WDR26: variants seen among roughly 807,000 people sequenced by gnomAD.
WDR26 encodes WD repeat domain 26.
In WDR26, 5 loss-of-function variants were observed where a neutral mutation model predicts 84.1. The observed-to-expected ratio is 0.06, with a 90% CI of 0.03 to 0.13. The LOEUF (loss-of-function observed/expected upper bound fraction) is 0.13, where lower values mean the gene tolerates loss of function less well. WDR26 is among the 10% of genes least tolerant of loss of function. The pLI, the probability that WDR26 is intolerant of heterozygous loss-of-function variation, is 1.00. For synonymous variants in WDR26, 415 were observed against 389.6 expected (o/e 1.07, Z -0.77); for missense variants, 642 against 974.9 (o/e 0.66, Z 4.55).
intron 4 of WDR26, among the ~76,000 whole-genome samples, chr1:224,421,400 C>T (rs1572203860): frequency 6.6e-6 from 1 of 152,122 alleles, no homozygotes; most frequent in African/African-American, 2.4e-5. Flanking sequence ...GCCTGGCCAA[C>T]ATGGCGAAAC....
chr1:224,389,580 G>T lies in WDR26; in HGVS notation c.*255C>A, dbSNP rs1352460880. The T allele has an allele frequency of 1.7e-6, 1 of 576,804 alleles. No homozygotes were observed. The highest frequency in any genetic ancestry group is 3.0e-6 in the Non-Finnish European group (1 of 332,316). The allele number at this position is 576,804 out of a possible 1,614,324, so 35.7% of individuals were successfully genotyped here. On this transcript the variant is annotated 3_prime_UTR_variant, in exon 14 of 14. Coordinates refer to ENST00000414423, the MANE Select transcript of WDR26 (RefSeq NM_001379403.1). Reference sequence around the variant, plus strand: ...AGTTCAATGGGTAAGCCTGAATGTAGCACAGTTCTTCACAACCGATGGGGG... The same window carrying T: ...AGTTCAATGGGTAAGCCTGAATGTATCACAGTTCTTCACAACCGATGGGGG...
chr1:224,427,437 T>C (rs759056192), intron 3 of WDR26, among the ~76,000 whole-genome samples: 15 of 152,116 alleles, frequency 9.9e-5, no homozygotes, highest in Non-Finnish European at 2.1e-4. Flanking sequence ...AAGATCTTGA[T>C]ACAACATGTT....
At chr1:224,413,323 T>A (rs1263226217) in intron 6 of WDR26, 1 of 1,244,058 alleles carries the variant, frequency 8.0e-7, no homozygotes, top group East Asian at 5.6e-5. Context: ...TTACATTTTG[T>A]CAATTCACCA....
In WDR26 at chr1:224,398,360, T is replaced by C. The variant is rs1334153557; in HGVS notation, c.1945-134A>G. 3.0e-6 allele frequency: 4 copies of C among 1,318,940 alleles called. No individual in the cohort carries two copies. The African/African-American group carries it at 4.5e-5, about 15-fold the overall frequency. 81.7% of individuals were successfully genotyped at this position (1,318,940 alleles called of 1,614,324 possible). ...TGCAAAATACCAACATTCTGACAAA[T>C]TTATGGTTGATTATACACATTTAAG... On this transcript the variant is annotated intron_variant, in intron 11 of 13. Transcript: ENST00000414423.
At chr1:224,431,917 G>T in intron 1 of WDR26, 136 bp from the exon 2 acceptor site, 1 of 620,564 alleles carries the variant, frequency 1.6e-6, no homozygotes, top group Non-Finnish European at 2.5e-6. Context: ...GCTTTCATGT[G>T]CCTGGTTAAA....
chr1:224,407,244 A>G (rs1178780703), intron 7 of WDR26, among the ~76,000 whole-genome samples: 1 of 143,160 alleles, frequency 7.0e-6, no homozygotes, highest in Non-Finnish European at 1.5e-5. Context: ...AACAAAAACA[A>G]TACTATATCT....
chr1:224,424,490 C>G, intron 4 of WDR26, 28 bp downstream of exon 4: 1 of 1,610,128 alleles, frequency 6.2e-7, no homozygotes, highest in Non-Finnish European at 8.5e-7. Context: ...CCTCCATTAA[C>G]CTGAGTTCAA....
chr1:224,407,486 C>CATATATATAT (rs35396542), intron 7 of WDR26, among the ~76,000 whole-genome samples: 3 of 143,078 alleles, frequency 2.1e-5, no homozygotes, highest in African/African-American at 7.8e-5. Context: ...TCAAAAAGGG[C>CATATATATAT]ATATATATAT....
At chr1:224,399,076 C>T in intron 9 of WDR26, 42 bp from the exon 10 acceptor site, 1 of 1,440,546 alleles carries the variant, frequency 6.9e-7, no homozygotes, top group East Asian at 2.6e-5. Flanking sequence ...TACTCAACAG[C>T]ACTCAGAAAG....
chr1:224,413,235 A>G, intron 6 of WDR26: 1 of 988,364 alleles, frequency 1.0e-6, no homozygotes, highest in Non-Finnish European at 1.3e-6. Context: ...AACGTTATTT[A>G]AACAATAATG....
intron 7 of WDR26, among the ~76,000 whole-genome samples, chr1:224,404,850 T>C (rs946615767): frequency 2.0e-5 from 3 of 152,212 alleles, no homozygotes; most frequent in Admixed American, 6.5e-5. Context: ...TATAAAGATA[T>C]ATTGAATTTG....
At chr1:224,433,617 C>G in intron 1 of WDR26, 67 bp downstream of exon 1, 14 of 877,094 alleles carry the variant, frequency 1.6e-5, no homozygotes, top group African/African-American at 1.8e-5. Flanking sequence ...TCCGCCCCTT[C>G]CCCTACCCCC....
In WDR26 at chr1:224,431,551, A is replaced by G. The variant is rs1419164635; in HGVS notation, c.853T>C (p.Leu285=). The change falls in exon 3 of 14, where the codon TTA becomes CTA. Residue 285 remains leucine (L), a synonymous_variant. Transcript: ENST00000414423. ...ACAATAGCATGAGGAGAATGCACTA[A>G]AGGCTTTAGTTCATTCAGGTCATTT... 3.7e-6 allele frequency: 6 copies of G among 1,613,978 alleles called. No individual in the cohort carries two copies. Among genetic ancestry groups the G allele is most frequent in the Admixed American group, 3.3e-5 (2 of 60,000 alleles).
intron 1 of WDR26, among the ~76,000 whole-genome samples, chr1:224,432,856 GTT>G (rs1674435646): frequency 6.6e-6 from 1 of 152,074 alleles, no homozygotes; most frequent in African/African-American, 2.4e-5. Flanking sequence ...CACCCCCTTA[GTT>G]TTTCTTTGTG....
chr1:224,434,223 G>GGAC lies in WDR26; in HGVS notation c.182_183insGTC (p.Ser67dup), dbSNP rs1232466544. 2.2e-6 allele frequency: 3 copies of GGAC among 1,393,892 alleles called. No individual in the cohort carries two copies. Among genetic ancestry groups the GGAC allele is most frequent in the Middle Eastern group, 2.6e-4 (1 of 3,812 alleles). The allele number at this position is 1,393,892 out of a possible 1,614,324, so 86.3% of individuals were successfully genotyped here. ...CCACCACGGAGGAGGAGGAGGAGGA[G>GGAC]GAGGACGAGGACGACGAGGACGGAG... On this transcript the variant is annotated inframe_insertion, in exon 1 of 14. Coordinates refer to ENST00000414423, the MANE Select transcript of WDR26 (RefSeq NM_001379403.1).
In WDR26 at chr1:224,427,103, C is replaced by CAAAAAAAAAAAAAA. The variant is rs769063024; in HGVS notation, c.928-2450_928-2449insTTTTTTTTTTTTTT. 1.3e-3 allele frequency among the ~76,000 whole-genome samples: 119 copies of CAAAAAAAAAAAAAA among 91,160 alleles called. 16 individuals are homozygous for CAAAAAAAAAAAAAA. The highest frequency in any genetic ancestry group is 4.1e-3 in the African/African-American group (95 of 23,144). The allele number at this position is 91,160 out of a possible 152,430, so 59.8% of individuals were successfully genotyped here. On this transcript the variant is annotated intron_variant, in intron 3 of 13. Transcript: ENST00000414423. ...GGGCAACGAGAGCAAAACTCTGTCT[C>CAAAAAAAAAAAAAA]CAAAAAAAAAAAAAAAAAAAAAAAG...
chr1:224,429,258 C>T (rs1205051302), intron 3 of WDR26: 1 of 148,588 alleles, frequency 6.7e-6, no homozygotes, highest in Non-Finnish European at 1.5e-5. Context: ...GAGACTCCAT[C>T]TCAAAAAAAA....
intron 13 of WDR26, 141 bp downstream of exon 13, chr1:224,393,687 C>T (rs1259346586): frequency 1.6e-6 from 1 of 636,498 alleles, no homozygotes; most frequent in East Asian, 3.1e-5. Flanking sequence ...ATTCTGTGGC[C>T]TGAGATAGGG....
chr1:224,433,978 G>A lies in WDR26; in HGVS notation c.428C>T (p.Ser143Phe), dbSNP rs899164603. 6.5e-6 allele frequency: 10 copies of A among 1,529,656 alleles called. No homozygotes were observed. The highest frequency in any genetic ancestry group is 7.0e-6 in the Non-Finnish European group (8 of 1,141,882). The allele number at this position is 1,529,656 out of a possible 1,614,324, so 94.8% of individuals were successfully genotyped here. A position where few individuals can be genotyped will look rare whatever the true frequency, so the allele number is the denominator to read the frequency against. Residue 143 changes from serine (S) to phenylalanine (F), a missense_variant, in exon 1 of 14, where the codon TCC (serine) becomes TTC (phenylalanine). Physicochemically the swap from Ser to Phe is radical, Grantham distance 155. This residue lies in a region of WDR26 where 291 missense variants were observed against 302.1 expected (regional missense o/e 0.96). Coordinates refer to ENST00000414423, the MANE Select transcript of WDR26 (RefSeq NM_001379403.1). ...CCCCGCGGACGACGACGACGAGGGG[G>A]ACGACTCCCCGTTCTGGGCCGACAA... is the stretch of plus-strand genomic sequence containing the variant.
Sources: allele counts gnomAD v4.1 joint callset (sites outside exome capture counted in the v4.1 genomes callset), GRCh38; gene constraint gnomAD v4.1.1; regional missense constraint gnomAD v4.1.1; transcripts MANE v1.5; gene names NCBI Gene and HGNC (gene_info 2026-07-23, HGNC 2026-07-21).